Variants in DOCK8 observed in about 807,000 individuals in gnomAD.
DOCK8 encodes the protein dedicator of cytokinesis 8.
DOCK8 carries 141 observed loss-of-function variants against 245.6 expected under a neutral mutation model. The observed-to-expected ratio is 0.57, with a 90% CI of 0.50 to 0.66. The LOEUF (loss-of-function observed/expected upper bound fraction) is 0.66, where lower values mean the gene tolerates loss of function less well. Ranked by LOEUF, DOCK8 falls within the 30% of genes least tolerant of loss-of-function variation. The probability of loss-of-function intolerance (pLI) is 0.00; values close to 1 mark genes in which losing one functional copy is unlikely to be tolerated. For missense variants in DOCK8, 2,965 were observed against 2,603.4 expected (o/e 1.14, Z -3.02); for synonymous variants, 1,168 against 970.2 (o/e 1.20, Z -3.79).
At chr9:394,226 C>T (rs942016870) in intron 24 of DOCK8, among the ~76,000 whole-genome samples, 14 of 147,180 alleles carry the variant, frequency 9.5e-5, no homozygotes, top group African/African-American at 3.5e-4. Context: ...TCGAGACCCC[C>T]TTCCCAGCAT....
At chr9:270,832 G>A (rs577768958) in intron 1 of DOCK8, among the ~76,000 whole-genome samples, 3 of 152,282 alleles carry the variant, frequency 2.0e-5, no homozygotes, top group African/African-American at 7.2e-5. Context: ...ATACACTTTT[G>A]TGAACTAGCC....
Position 271,864 on chromosome 9 carries a change from T to C in DOCK8, c.156+135T>C, listed in dbSNP as rs57498434. Reference sequence around the variant, plus strand: ...AGTCACCAGATCCTAACTCTGTGACTGTGTCTGGACATCAGACAATATCCC... The same window carrying C: ...AGTCACCAGATCCTAACTCTGTGACCGTGTCTGGACATCAGACAATATCCC... On this transcript the variant is annotated intron_variant, in intron 2 of 47. Coordinates refer to ENST00000432829, the MANE Select transcript of DOCK8 (RefSeq NM_203447.4). The C allele has an allele frequency of 0.011, 7,416 of 681,628 alleles. 343 individuals are homozygous for C. The highest frequency in any genetic ancestry group is 0.11 in the African/African-American group (5,936 of 54,960). 42.2% of individuals were successfully genotyped at this position (681,628 alleles called of 1,614,324 possible).
chr9:235,249 C>A (rs1341468918), intron 1 of DOCK8, among the ~76,000 whole-genome samples: 1 of 152,108 alleles, frequency 6.6e-6, no homozygotes, highest in African/African-American at 2.4e-5. Flanking sequence ...CCTGATTGTT[C>A]CTCTGGAAGT....
At chr9:378,918 G>A (rs78277232) in intron 20 of DOCK8, among the ~76,000 whole-genome samples, 11,920 of 152,300 alleles carry the variant, frequency 0.078, 658 homozygotes, top group Non-Finnish European at 0.12. Flanking sequence ...CATGGCTGGA[G>A]AATCATGTAA....
rs376233769 is a variant in DOCK8 at position 442,031 on chromosome 9, G to A, written c.5490+22G>A. 3.4e-4 allele frequency: 549 copies of A among 1,613,072 alleles called. 1 individual carries two copies. The highest frequency in any genetic ancestry group is 4.4e-4 in the Non-Finnish European group (520 of 1,179,916). On this transcript the variant is annotated intron_variant, in intron 42 of 47. Coordinates refer to ENST00000432829, the MANE Select transcript of DOCK8 (RefSeq NM_203447.4). ...AGAGGTAAGAAAAGTGATTCTGTGC[G>A]CCTGACCTGGTACACTTTACAAAAA...
At chr9:273,317 T>A (rs2048218410) in intron 2 of DOCK8, among the ~76,000 whole-genome samples, 1 of 152,198 alleles carries the variant, frequency 6.6e-6, no homozygotes, top group Non-Finnish European at 1.5e-5. Context: ...CAGAGTATAA[T>A]AAAGGCATGT....
intron 14 of DOCK8, among the ~76,000 whole-genome samples, chr9:351,812 T>C (rs1276032594): frequency 6.6e-6 from 1 of 152,224 alleles, no homozygotes; most frequent in Non-Finnish European, 1.5e-5. Context: ...CCTAGACAGC[T>C]CTCTAGCAAT....
intron 14 of DOCK8, among the ~76,000 whole-genome samples, chr9:361,168 C>CA (rs1240264813): frequency 1.3e-5 from 2 of 151,670 alleles, no homozygotes; most frequent in Non-Finnish European, 2.9e-5. Context: ...ACTCCATCTC[C>CA]AAAAAAAGAG....
intron 1 of DOCK8, among the ~76,000 whole-genome samples, chr9:235,746 G>A (rs185677567): frequency 4.6e-5 from 7 of 152,138 alleles, no homozygotes; most frequent in East Asian, 1.9e-4. Context: ...TTTTAAGCCC[G>A]TTGGAAAAGC....
At chr9:260,596 T>C (rs922056466) in intron 1 of DOCK8, among the ~76,000 whole-genome samples, 54 of 152,222 alleles carry the variant, frequency 3.5e-4, no homozygotes, top group Admixed American at 3.5e-3. Flanking sequence ...TCCACAGATA[T>C]ATTTATACAT....
intron 1 of DOCK8, chr9:215,369 G>C (rs1334997096): frequency 6.3e-7 from 1 of 1,592,086 alleles, no homozygotes; most frequent in Non-Finnish European, 8.5e-7. Flanking sequence ...CTGGGTAACC[G>C]TGTTGGGCGC....
intron 1 of DOCK8, among the ~76,000 whole-genome samples, chr9:270,779 T>C (rs1421929714): frequency 1.3e-5 from 2 of 152,220 alleles, no homozygotes; most frequent in Non-Finnish European, 2.9e-5. Flanking sequence ...TTATATTCAG[T>C]AGTGGTATTG....
At chr9:408,861 AACACACAC>A (rs71314709) in intron 28 of DOCK8, among the ~76,000 whole-genome samples, 2,036 of 147,518 alleles carry the variant, frequency 0.014, 37 homozygotes, top group African/African-American at 0.043. Context: ...ACATTCTTCA[AACACACAC>A]ACACACACAC....
intron 14 of DOCK8, among the ~76,000 whole-genome samples, chr9:366,866 T>G (rs544213267): frequency 7.2e-5 from 11 of 152,202 alleles, no homozygotes; most frequent in African/African-American, 2.4e-4. Context: ...ACCTAGAAAA[T>G]TAAGGCAAAC....
At chr9:334,638 A>C (rs1268319483) in intron 11 of DOCK8, among the ~76,000 whole-genome samples, 1 of 152,190 alleles carries the variant, frequency 6.6e-6, no homozygotes, top group Non-Finnish European at 1.5e-5. Flanking sequence ...ATGACACTTT[A>C]AAAAGCTGAT....
chr9:400,968 C>CCACCACCACCCTCACCACCTT lies in DOCK8; in HGVS notation c.3234+1710_3234+1711insACCACCACCCTCACCACCTTC, dbSNP rs200058871. 7.7e-4 allele frequency among the ~76,000 whole-genome samples: 91 copies of CCACCACCACCCTCACCACCTT among 118,738 alleles called. 4 individuals are homozygous for CCACCACCACCCTCACCACCTT. The highest frequency in any genetic ancestry group is 1.4e-3 in the Non-Finnish European group (75 of 54,238). The allele number at this position is 118,738 out of a possible 152,430, so 77.9% of individuals were successfully genotyped here. A position where few individuals can be genotyped will look rare whatever the true frequency, so the allele number is the denominator to read the frequency against. ...ACCATCACCACCACCACCACCACCT[C>CCACCACCACCCTCACCACCTT]CTCCACCATCACCACCTCCTCCACC... On this transcript the variant is annotated intron_variant, in intron 26 of 47. Coordinates refer to ENST00000432829, the MANE Select transcript of DOCK8 (RefSeq NM_203447.4).
intron 8 of DOCK8, among the ~76,000 whole-genome samples, chr9:326,951 A>G (rs1199466124): frequency 1.3e-5 from 2 of 152,198 alleles, no homozygotes; most frequent in Non-Finnish European, 2.9e-5. Context: ...AGAGAACCCA[A>G]CCATACAGTG....
intron 1 of DOCK8, among the ~76,000 whole-genome samples, chr9:263,940 T>C (rs1376583348): frequency 6.6e-6 from 1 of 152,232 alleles, no homozygotes; most frequent in Non-Finnish European, 1.5e-5. Flanking sequence ...TCTGTATTGA[T>C]TCTGATGGGC....
chr9:344,923 G>C lies in DOCK8; in HGVS notation c.1679+4602G>C, dbSNP rs377764646. 2.9e-3 allele frequency among the ~76,000 whole-genome samples: 439 copies of C among 152,174 alleles called. 3 individuals are homozygous for C. Among genetic ancestry groups the C allele is most frequent in the African/African-American group, 9.9e-3 (409 of 41,510 alleles). On this transcript the variant is annotated intron_variant, in intron 14 of 47. Coordinates refer to ENST00000432829, the MANE Select transcript of DOCK8 (RefSeq NM_203447.4). The stretch of plus-strand genomic sequence containing the variant: ...AAAAAGTAACTGGGCGTGGTGGTGG[G>C]TGCCTGTAATCCCAGCTACTCAGGA...
Sources: gnomAD v4.1 joint callset for allele counts (sites outside exome capture counted in the v4.1 genomes callset) on GRCh38, gnomAD v4.1.1 for gene constraint, MANE v1.5 for transcripts, NCBI Gene and HGNC (gene_info 2026-07-23, HGNC 2026-07-21) for gene names.